The following HOOK3 variants were observed in gnomAD, a reference collection of about 807,000 sequenced individuals.
HOOK3 encodes the protein hook microtubule tethering protein 3.
A neutral mutation model predicts 116.3 loss-of-function variants in HOOK3; 24 were observed. That is an observed-to-expected ratio of 0.21 (90% CI 0.15 to 0.29). The LOEUF (loss-of-function observed/expected upper bound fraction) is 0.29, where lower values mean the gene tolerates loss of function less well. HOOK3 is among the 10% of genes least tolerant of loss of function. The pLI, the probability that HOOK3 is intolerant of heterozygous loss-of-function variation, is 1.00. For missense variants in HOOK3, 632 were observed against 830.2 expected (o/e 0.76, Z 2.93); for synonymous variants, 275 against 283.0 (o/e 0.97, Z 0.28).
At chr8:42,934,374 G>T (rs934541910) in intron 4 of HOOK3, among the ~76,000 whole-genome samples, 4 of 151,904 alleles carry the variant, frequency 2.6e-5, no homozygotes, top group African/African-American at 9.7e-5. Context: ...ATTAATCATA[G>T]ATTTTTTTTA....
rs1808148570 is a variant in HOOK3 at position 42,942,547 on chromosome 8, A to G, written c.268-766A>G. ...TTTTCTTGTTTGTGTTGATAGTTTT[A>G]CCACCTGTATGTCATCTAGTTATAG... On this transcript the variant is annotated intron_variant, in intron 4 of 21. Coordinates refer to ENST00000307602, the MANE Select transcript of HOOK3 (RefSeq NM_032410.4). 2.0e-5 allele frequency among the ~76,000 whole-genome samples: 3 copies of G among 152,232 alleles called. No individual in the cohort carries two copies. In the South Asian group the frequency reaches 6.2e-4, roughly 32 times the overall value.
intron 1 of HOOK3, among the ~76,000 whole-genome samples, chr8:42,903,338 C>CT (rs1164136399): frequency 0.12 from 10,820 of 87,676 alleles, 958 homozygotes; most frequent in Admixed American, 0.17. Context: ...TAATAGTTGT[C>CT]TTTTTTTTTT....
chr8:42,975,744 C>T (rs1190126003), intron 13 of HOOK3, among the ~76,000 whole-genome samples: 1 of 152,150 alleles, frequency 6.6e-6, no homozygotes, highest in Non-Finnish European at 1.5e-5. Context: ...CTCGCTCTGT[C>T]ACCCAGGCTG....
Position 43,028,748 on chromosome 8 carries a change from A to G in HOOK3, c.*10250A>G, listed in dbSNP as rs947703588. On this transcript the variant is annotated 3_prime_UTR_variant, in exon 22 of 22. Coordinates refer to ENST00000307602, the MANE Select transcript of HOOK3 (RefSeq NM_032410.4). Reference sequence around the variant, plus strand: ...AACATAACTAAATGGATCTATAGTAACATGTCTAAATTTTTTAATGGAAAT... The same window carrying G: ...AACATAACTAAATGGATCTATAGTAGCATGTCTAAATTTTTTAATGGAAAT... The G allele has an allele frequency of 2.0e-5, 4 of 197,638 alleles. No individual in the cohort carries two copies. Among genetic ancestry groups the G allele is most frequent in the Non-Finnish European group, 4.2e-5 (4 of 95,498 alleles). The allele number at this position is 197,638 out of a possible 1,614,324, so 12.2% of individuals were successfully genotyped here. A position where few individuals can be genotyped will look rare whatever the true frequency, so the allele number is the denominator to read the frequency against.
chr8:42,909,446 A>G (rs1465694288), intron 2 of HOOK3, among the ~76,000 whole-genome samples: 1 of 152,222 alleles, frequency 6.6e-6, no homozygotes, highest in African/African-American at 2.4e-5. Flanking sequence ...TATGTACACA[A>G]TGAAATACTG....
intron 6 of HOOK3, among the ~76,000 whole-genome samples, chr8:42,951,280 C>T (rs895332139): frequency 5.3e-5 from 8 of 151,032 alleles, no homozygotes; most frequent in African/African-American, 1.9e-4. Flanking sequence ...AGGCTGGTCT[C>T]GAACTCCTGA....
intron 14 of HOOK3, among the ~76,000 whole-genome samples, chr8:42,984,068 G>GT (rs1809002218): frequency 6.6e-6 from 1 of 152,108 alleles, no homozygotes; most frequent in Non-Finnish European, 1.5e-5. Context: ...GTTAGCATTT[G>GT]TTTAAGAAGG....
rs951949654 is a variant in HOOK3, at chr8:42,957,119, C to T, written c.494C>T (p.Ser165Phe). ...CTGATGAGTAAAGAATCTCCTGTCT[C>T]TGCTGGAAATGATGCCTATGTTGAC... Reference protein sequence around the residue: ...QELMSKESPVSAGNDAYVDLD... With the variant: ...QELMSKESPVFAGNDAYVDLD... Residue 165 changes from serine to phenylalanine, a missense_variant, in exon 7 of 22, where the codon TCT becomes TTT. Physicochemically the swap from Ser to Phe is radical, Grantham distance 155. Around this residue, in one of 3 missense-constraint regions of HOOK3, gnomAD observed 483 missense variants for 648.1 expected, o/e 0.75. Transcript: ENST00000307602. The T allele has an allele frequency of 1.9e-5, 30 of 1,596,786 alleles. No individual in the cohort carries two copies. The highest frequency in any genetic ancestry group is 2.5e-5 in the Non-Finnish European group (29 of 1,169,228).
At position 42,964,460 on chromosome 8, in the gene HOOK3, A is replaced by G. The variant is rs200882257; in HGVS notation, c.765A>G (p.Gln255=). 22 of 1,610,364 alleles carry G rather than the reference A, an allele frequency of 1.4e-5. No homozygotes were observed. The highest frequency in any genetic ancestry group is 1.8e-5 in the Non-Finnish European group (21 of 1,179,206). ...TCCAGACTCAATTAGAACAGCTCCA[A>G]GAAGAAACATTCAGGTAAAAGACAA... ...LQLQTQLEQL[Q]EETFRLEAAK... is the part of the protein sequence containing the mutation. Residue 255 remains glutamine, a synonymous_variant, in exon 9 of 22, where the codon CAA becomes CAG. Coordinates refer to ENST00000307602, the MANE Select transcript of HOOK3 (RefSeq NM_032410.4).
chr8:43,015,023 T>C (rs188936081), intron 21 of HOOK3, among the ~76,000 whole-genome samples: 253 of 151,754 alleles, frequency 1.7e-3, no homozygotes, highest in African/African-American at 5.9e-3. Flanking sequence ...GGCACATGCC[T>C]CTAGTCCCAG....
At chr8:43,004,378 A>G (rs1042899231) in intron 17 of HOOK3, among the ~76,000 whole-genome samples, 40 of 148,096 alleles carry the variant, frequency 2.7e-4, no homozygotes, top group Admixed American at 6.1e-4. Context: ...AAAAAAAAAA[A>G]AAAGAAAGAA....
In HOOK3 at chr8:43,018,384, T is replaced by C. The variant is rs1809761204; in HGVS notation, c.2043T>C (p.Ala681=). The C allele has an allele frequency of 1.9e-6, 3 of 1,607,826 alleles. No individual in the cohort carries two copies. The highest frequency in any genetic ancestry group is 2.5e-6 in the Non-Finnish European group (3 of 1,178,442). Residue 681 remains alanine (A), a synonymous_variant, in exon 22 of 22, where the codon GCT becomes GCC. Coordinates refer to ENST00000307602, the MANE Select transcript of HOOK3 (RefSeq NM_032410.4). ...GAATGACCCTGCATAAAAAGGCAGC[T>C]GAAGATAGACTGGCAAGCACAGGCT... The part of the protein sequence containing the change: ...NMGMTLHKKA[A]EDRLASTGSG...
chr8:42,964,371 A>G lies in HOOK3; in HGVS notation c.676A>G (p.Arg226Gly), dbSNP rs779088835. 2 of 1,614,084 alleles carry G rather than the reference A, an allele frequency of 1.2e-6. No homozygotes were observed. The highest frequency in any genetic ancestry group is 1.7e-6 in the Non-Finnish European group (2 of 1,179,914). The change falls in exon 9 of 22, where the codon AGA becomes GGA. Residue 226 changes from arginine to glycine, a missense_variant. Arg to Gly is a moderately radical substitution (Grantham distance 125). Transcript: ENST00000307602. ...LLAENQVLME[R>G]LNQSDSIEDP... The stretch of plus-strand genomic sequence containing the variant: ...GGCAGAGAATCAGGTATTAATGGAA[A>G]GACTCAATCAATCTGATTCTATAGA...
chr8:42,913,087 T>A (rs1349623887), intron 2 of HOOK3, among the ~76,000 whole-genome samples: 1 of 152,224 alleles, frequency 6.6e-6, no homozygotes, highest in African/African-American at 2.4e-5. Context: ...ATGGCTCATT[T>A]TTTTTTAGAG....
intron 7 of HOOK3, among the ~76,000 whole-genome samples, chr8:42,958,745 C>G (rs570656091): frequency 1.3e-5 from 2 of 151,856 alleles, no homozygotes; most frequent in Non-Finnish European, 2.9e-5. Context: ...GGTATTTGTC[C>G]TAATGCTATC....
chr8:42,912,842 A>G (rs960851285), intron 2 of HOOK3, among the ~76,000 whole-genome samples: 1 of 152,218 alleles, frequency 6.6e-6, no homozygotes, highest in Non-Finnish European at 1.5e-5. Flanking sequence ...CGTTTTATGT[A>G]TCTACCATGG....
intron 5 of HOOK3, among the ~76,000 whole-genome samples, chr8:42,946,472 T>C (rs1299800187): frequency 6.6e-6 from 1 of 152,124 alleles, no homozygotes; most frequent in African/African-American, 2.4e-5. Context: ...CTATTATAAA[T>C]GATGACAGCA....
chr8:42,919,496 CG>C (rs1362747225), intron 2 of HOOK3, among the ~76,000 whole-genome samples: 1 of 147,560 alleles, frequency 6.8e-6, no homozygotes, highest in Non-Finnish European at 1.5e-5. Flanking sequence ...ACATCCCAGA[CG>C]ATGGGCGGCC....
At chr8:43,002,084 C>G in intron 16 of HOOK3, 23 bp from the exon 17 acceptor site, 1 of 1,451,438 alleles carries the variant, frequency 6.9e-7, no homozygotes. Flanking sequence ...AGGTAATAAA[C>G]TAATTTTGTT....
Sources: allele counts gnomAD v4.1 joint callset (sites outside exome capture counted in the v4.1 genomes callset), GRCh38; gene constraint gnomAD v4.1.1; regional missense constraint gnomAD v4.1.1; transcripts MANE v1.5; gene names NCBI Gene and HGNC (gene_info 2026-07-23, HGNC 2026-07-21).